Variants in PPARGC1A observed in about 807,000 individuals in gnomAD.
PPARGC1A encodes the protein peroxisome proliferator-activated receptor gamma coactivator 1-alpha.
In PPARGC1A, 25 loss-of-function variants were observed where a neutral mutation model predicts 88.7. The ratio of observed to expected loss-of-function variants is 0.28; its 90% CI spans 0.21 to 0.39. The LOEUF (loss-of-function observed/expected upper bound fraction) is 0.39. Among genes scored for constraint, PPARGC1A ranks in the 10% least tolerant of loss-of-function variants. The pLI is 1.00. For synonymous variants in PPARGC1A, 363 were observed against 355.6 expected (o/e 1.02, Z -0.24); for missense variants, 880 against 968.7 (o/e 0.91, Z 1.22).
chr4:24,001,087 T>G, the PPARGC1A span, among the ~76,000 whole-genome samples: 1 of 152,216 alleles, frequency 6.6e-6, no homozygotes, highest in Non-Finnish European at 1.5e-5. Flanking sequence ...AAAGGCATGT[T>G]TTTCTTTTTA....
chr4:24,088,161 C>A, the PPARGC1A span, among the ~76,000 whole-genome samples: 1 of 151,990 alleles, frequency 6.6e-6, no homozygotes, highest in African/African-American at 2.4e-5. Flanking sequence ...TTAGTCGAGG[C>A]AACATAGAGA....
At chr4:24,032,926 T>C in the PPARGC1A span, among the ~76,000 whole-genome samples, 1 of 152,236 alleles carries the variant, frequency 6.6e-6, no homozygotes, top group East Asian at 1.9e-4. Flanking sequence ...TATTATCTCA[T>C]TTGATATCTC....
At chr4:24,127,480 G>A in the PPARGC1A span, among the ~76,000 whole-genome samples, 3 of 151,546 alleles carry the variant, frequency 2.0e-5, no homozygotes, top group Non-Finnish European at 4.4e-5. Context: ...ATCATTTTTT[G>A]TTATTAGAAT....
At chr4:24,380,977 A>AT in the PPARGC1A span, among the ~76,000 whole-genome samples, 2 of 148,952 alleles carry the variant, frequency 1.3e-5, no homozygotes, top group East Asian at 3.9e-4. Flanking sequence ...TAGCTGTGTG[A>AT]TTTAAAAAAA....
chr4:23,982,312 A>G, the PPARGC1A span, among the ~76,000 whole-genome samples: 2 of 152,218 alleles, frequency 1.3e-5, no homozygotes, highest in African/African-American at 4.8e-5. Context: ...GTACTCAGCC[A>G]TCCTTAATCC....
the PPARGC1A span, among the ~76,000 whole-genome samples, chr4:24,182,460 G>A: frequency 6.2e-4 from 95 of 152,242 alleles, no homozygotes; most frequent in East Asian, 0.015. Context: ...ATAAACATAC[G>A]TGTGCATGTG....
At chr4:24,273,098 C>T in the PPARGC1A span, among the ~76,000 whole-genome samples, 932 of 152,264 alleles carry the variant, frequency 6.1e-3, 11 homozygotes, top group African/African-American at 0.021. Flanking sequence ...ATTACAATGG[C>T]ATCTCTTGCA....
At chr4:24,189,920 G>A in the PPARGC1A span, among the ~76,000 whole-genome samples, 2 of 152,086 alleles carry the variant, frequency 1.3e-5, no homozygotes, top group African/African-American at 4.8e-5. Flanking sequence ...AAGCACACCT[G>A]CTCTGTATTT....
chr4:24,129,412 C>T, the PPARGC1A span, among the ~76,000 whole-genome samples: 1 of 152,162 alleles, frequency 6.6e-6, no homozygotes, highest in Non-Finnish European at 1.5e-5. Context: ...GCAAATGGCT[C>T]ATTATTCTAA....
chr4:24,165,470 T>C, the PPARGC1A span, among the ~76,000 whole-genome samples: 9 of 152,204 alleles, frequency 5.9e-5, no homozygotes, highest in African/African-American at 2.2e-4. Context: ...AGGAATACAT[T>C]GTTTTATTGT....
chr4:23,994,501 G>A, the PPARGC1A span, among the ~76,000 whole-genome samples: 11 of 152,126 alleles, frequency 7.2e-5, no homozygotes, highest in Non-Finnish European at 1.6e-4. Context: ...GGCAGAGAAG[G>A]GGGGGCGGTG....
At chr4:23,989,654 C>T in the PPARGC1A span, among the ~76,000 whole-genome samples, 28 of 151,888 alleles carry the variant, frequency 1.8e-4, no homozygotes, top group African/African-American at 6.3e-4. Flanking sequence ...ATGGTTGTTG[C>T]TCAATACATA....
At chr4:24,129,281 C>T in the PPARGC1A span, among the ~76,000 whole-genome samples, 1 of 152,114 alleles carries the variant, frequency 6.6e-6, no homozygotes, top group Non-Finnish European at 1.5e-5. Context: ...TGAGACTTGC[C>T]TTAGCTATCC....
chr4:23,928,838 G>A, the PPARGC1A span, among the ~76,000 whole-genome samples: 1 of 150,428 alleles, frequency 6.6e-6, no homozygotes, highest in Non-Finnish European at 1.5e-5. Context: ...GGAGCTGGAA[G>A]GATTTGGAAG....
chr4:24,122,418 T>TGTGCGC, the PPARGC1A span, among the ~76,000 whole-genome samples: 26 of 96,948 alleles, frequency 2.7e-4, no homozygotes, highest in Admixed American at 8.3e-4. Flanking sequence ...TGTGTGTGCA[T>TGTGCGC]ATATATATAT....
chr4:23,971,571 G>A, the PPARGC1A span, among the ~76,000 whole-genome samples: 1 of 152,174 alleles, frequency 6.6e-6, no homozygotes, highest in African/African-American at 2.4e-5. Flanking sequence ...AGGGCAGGAA[G>A]CATCCAACAT....
chr4:23,824,429 C>T (rs758008193), intron 6 of PPARGC1A, 34 bp downstream of exon 6: 4 of 1,606,106 alleles, frequency 2.5e-6, no homozygotes, highest in East Asian at 4.5e-5. Flanking sequence ...ACCCCCTTCC[C>T]TTTCAGAAAA....
the PPARGC1A span, among the ~76,000 whole-genome samples, chr4:24,344,757 A>G: frequency 6.6e-6 from 1 of 151,968 alleles, no homozygotes. Context: ...CTTTAGTTTA[A>G]TTAGGTCCTA....
chr4:24,086,792 G>C, the PPARGC1A span, among the ~76,000 whole-genome samples: 1 of 152,186 alleles, frequency 6.6e-6, no homozygotes, highest in Non-Finnish European at 1.5e-5. Flanking sequence ...ACCAAGCAGT[G>C]CTTACTGATG....
Sources: allele counts gnomAD v4.1 joint callset (sites outside exome capture counted in the v4.1 genomes callset), GRCh38; gene constraint gnomAD v4.1.1; transcripts MANE v1.5; gene names NCBI Gene and HGNC (gene_info 2026-07-23, HGNC 2026-07-21).